The following CTTNBP2 variants were observed in gnomAD, a reference collection of about 807,000 sequenced individuals.
CTTNBP2 encodes cortactin-binding protein 2.
A neutral mutation model predicts 156.9 loss-of-function variants in CTTNBP2; 108 were observed. The ratio of observed to expected loss-of-function variants is 0.69; its 90% confidence interval spans 0.59 to 0.81. The LOEUF (loss-of-function observed/expected upper bound fraction) is 0.81, where lower values mean the gene tolerates loss of function less well. CTTNBP2 is among the 30% of genes least tolerant of loss of function. The pLI is 0.00. For missense variants in CTTNBP2, 1,924 were observed against 2,035.4 expected (o/e 0.95, Z 1.05); for synonymous variants, 767 against 751.8 (o/e 1.02, Z -0.33).
chr7:117,823,740 C>A (rs1801113807), intron 2 of CTTNBP2, among the ~76,000 whole-genome samples: 2 of 152,276 alleles, frequency 1.3e-5, no homozygotes, highest in African/African-American at 4.8e-5. Flanking sequence ...GCTCTGTCAC[C>A]CAGGCTGGAG....
intron 16 of CTTNBP2, among the ~76,000 whole-genome samples, chr7:117,729,876 G>A (rs938854548): frequency 6.6e-6 from 1 of 152,142 alleles, no homozygotes; most frequent in Non-Finnish European, 1.5e-5. Context: ...GTCTCTCACA[G>A]GATGTCCAGG....
intron 19 of CTTNBP2, among the ~76,000 whole-genome samples, chr7:117,722,947 GATCATT>G (rs1171589825): frequency 6.6e-6 from 1 of 152,182 alleles, no homozygotes; most frequent in Non-Finnish European, 1.5e-5. Context: ...TGTAAATGGA[GATCATT>G]ATCATTGTCT....
chr7:117,737,745 T>A (rs758016832), intron 14 of CTTNBP2, among the ~76,000 whole-genome samples: 5 of 151,972 alleles, frequency 3.3e-5, no homozygotes, highest in Non-Finnish European at 7.4e-5. Context: ...AATACAAAAT[T>A]TTTTTTTGTA....
chr7:117,794,072 G>T (rs2116876527), intron 3 of CTTNBP2, among the ~76,000 whole-genome samples: 2 of 152,318 alleles, frequency 1.3e-5, no homozygotes, highest in Middle Eastern at 3.4e-3. Context: ...AACAGTGGCT[G>T]GCACACAGTG....
chr7:117,792,285 G>A lies in CTTNBP2; in HGVS notation c.911C>T (p.Ser304Phe). Residue 304 changes from serine (S) to phenylalanine (F), a missense_variant, in exon 4 of 23, where the codon TCT becomes TTT. Ser to Phe is a radical substitution (Grantham distance 155, BLOSUM62 -2). Transcript: ENST00000160373. This position sits in a 1 kb window ranked among gnomAD's most constrained non-coding sequence, Gnocchi z 4.2. The stretch of plus-strand genomic sequence containing the variant: ...CACTAGGTCTGTCTGGCATGCAACA[G>A]ACCTTGTCACAGTTCCTTCTGTTCC... ...SVGTEGTVTR[S>F]VACQTDLVTE... 1.2e-6 allele frequency: 2 copies of A among 1,614,208 alleles called. No homozygotes were observed. Among genetic ancestry groups the A allele is most frequent in the Non-Finnish European group, 1.7e-6 (2 of 1,180,040 alleles).
intron 1 of CTTNBP2, among the ~76,000 whole-genome samples, chr7:117,867,201 A>AC (rs1360067940): frequency 1.4e-4 from 21 of 152,128 alleles, no homozygotes; most frequent in African/African-American, 4.1e-4. Context: ...TTCTCTCTCT[A>AC]CAAGGAGGAA....
At chr7:117,864,797 C>CAATATATATTCATATATATTCATTCAA (rs766176284) in intron 1 of CTTNBP2, among the ~76,000 whole-genome samples, 2 of 80,036 alleles carry the variant, frequency 2.5e-5, no homozygotes, top group Admixed American at 2.1e-4. Context: ...TATATTCATT[C>CAATATATATTCATATATATTCATTCAA]TATATTCATA....
At chr7:117,861,381 G>A in intron 1 of CTTNBP2, 65 bp from the exon 2 acceptor site, 1 of 1,121,388 alleles carries the variant, frequency 8.9e-7, no homozygotes, top group Non-Finnish European at 1.3e-6. Context: ...CACATCCTAA[G>A]GGTATGCAAT....
At chr7:117,786,669 T>C (rs1388133471) in intron 4 of CTTNBP2, among the ~76,000 whole-genome samples, 1 of 152,204 alleles carries the variant, frequency 6.6e-6, no homozygotes, top group Non-Finnish European at 1.5e-5. Flanking sequence ...GTTGATATTC[T>C]TTTATGAATA....
At chr7:117,771,403 G>A (rs910445745) in intron 8 of CTTNBP2, among the ~76,000 whole-genome samples, 1 of 152,204 alleles carries the variant, frequency 6.6e-6, no homozygotes, top group East Asian at 1.9e-4. Context: ...ACAGGGCTGG[G>A]GAGATGGAAG....
chr7:117,711,767 TGA>T lies in CTTNBP2; in HGVS notation c.4760_4761del (p.Leu1587GlnfsTer7). 6.2e-7 allele frequency: 1 copy of T among 1,612,700 alleles called. No individual in the cohort carries two copies. The highest frequency in any genetic ancestry group is 8.5e-7 in the Non-Finnish European group (1 of 1,179,022). On this transcript the variant is annotated frameshift_variant, in exon 23 of 23. Coordinates refer to ENST00000160373, the MANE Select transcript of CTTNBP2 (RefSeq NM_033427.3). LOFTEE classifies it high-confidence loss of function. Reference protein sequence around the residue: ...MPVSQKEVSPLSSHQTTECSN... With the variant: ...MPVSQKEVSPXSSHQTTECSN... The stretch of plus-strand genomic sequence containing the variant: ...CTGCATTCAGTAGTTTGATGGCTGC[TGA>T]GAGGACTGACCTCCTGTAAGAGACA...
At chr7:117,752,619 T>C (rs1178918533) in intron 12 of CTTNBP2, among the ~76,000 whole-genome samples, 8 of 152,206 alleles carry the variant, frequency 5.3e-5, no homozygotes, top group Non-Finnish European at 1.0e-4. Flanking sequence ...GTTTTCTGCA[T>C]AAGGGTTTTA....
chr7:117,864,760 T>C (rs1804032112), intron 1 of CTTNBP2, among the ~76,000 whole-genome samples: 1 of 143,152 alleles, frequency 7.0e-6, no homozygotes, highest in Non-Finnish European at 1.5e-5. Context: ...TATATATTCA[T>C]ATATATTCAT....
intron 2 of CTTNBP2, among the ~76,000 whole-genome samples, chr7:117,815,162 G>T (rs867642504): frequency 3.3e-5 from 5 of 152,050 alleles, no homozygotes; most frequent in Admixed American, 6.5e-5. Context: ...TTATAGCAAG[G>T]GTTTCTAGAA....
intron 2 of CTTNBP2, among the ~76,000 whole-genome samples, chr7:117,831,743 G>T (rs1801624518): frequency 6.6e-6 from 1 of 151,898 alleles, no homozygotes; most frequent in Non-Finnish European, 1.5e-5. Flanking sequence ...AACCTTCACT[G>T]CACTCCTAAC....
intron 3 of CTTNBP2, among the ~76,000 whole-genome samples, chr7:117,797,914 T>G (rs1443333232): frequency 2.0e-5 from 3 of 152,046 alleles, no homozygotes. Context: ...CCCCAAAATT[T>G]ACAAATTTGA....
chr7:117,782,298 A>G (rs1798475938), intron 6 of CTTNBP2, among the ~76,000 whole-genome samples: 1 of 152,200 alleles, frequency 6.6e-6, no homozygotes, highest in Non-Finnish European at 1.5e-5. Context: ...GTAAGCTACT[A>G]AAGAAATCAT....
At chr7:117,723,030 C>T (rs1417820899) in intron 19 of CTTNBP2, among the ~76,000 whole-genome samples, 1 of 152,110 alleles carries the variant, frequency 6.6e-6, no homozygotes, top group Non-Finnish European at 1.5e-5. Flanking sequence ...TACAGAAAGT[C>T]ATCTGGGGGT....
At chr7:117,817,956 T>C (rs1800719685) in intron 2 of CTTNBP2, among the ~76,000 whole-genome samples, 1 of 152,172 alleles carries the variant, frequency 6.6e-6, no homozygotes, top group Admixed American at 6.5e-5. Context: ...AAAGCCTACA[T>C]TTTTAAGCAT....
Sources: gnomAD v4.1 joint callset for allele counts (sites outside exome capture counted in the v4.1 genomes callset) on GRCh38, gnomAD v4.1.1 for gene constraint, Gnocchi (gnomAD v3.1) non-coding constraint, MANE v1.5 for transcripts, NCBI Gene and HGNC (gene_info 2026-07-23, HGNC 2026-07-21) for gene names.